SPTAN1: variants seen among roughly 807,000 people sequenced by gnomAD.
The protein encoded by SPTAN1 is spectrin alpha chain, non-erythrocytic 1.
SPTAN1 carries 61 observed loss-of-function variants against 331.3 expected under a neutral mutation model. The observed-to-expected ratio is 0.18, with a 90% CI of 0.15 to 0.23. The LOEUF (loss-of-function observed/expected upper bound fraction) is 0.23, where lower values mean the gene tolerates loss of function less well. SPTAN1 is among the 10% of genes least tolerant of loss of function. SPTAN1 has a pLI of 1.00. For synonymous variants in SPTAN1, 1,153 were observed against 1,173.9 expected (o/e 0.98, Z 0.36); for missense variants, 2,043 against 3,147.9 (o/e 0.65, Z 8.40).
chr9:128,578,330 C>T (rs1361079251), intron 9 of SPTAN1, 85 bp downstream of exon 9: 19 of 1,556,440 alleles, frequency 1.2e-5, no homozygotes, highest in Middle Eastern at 1.7e-4. Context: ...GGCCTATAGT[C>T]GGCGTTGGTA....
rs766229911 is a variant in SPTAN1, at chr9:128,632,919, G to C, written c.7272G>C (p.Glu2424Asp). 2 of 1,613,510 alleles carry C rather than the reference G, an allele frequency of 1.2e-6. No homozygotes were observed. The highest frequency in any genetic ancestry group is 3.3e-5 in the Admixed American group (2 of 60,030). The change falls in exon 56 of 57, where the codon GAG becomes GAC. Residue 2424 changes from glutamate to aspartate, a missense_variant. By Grantham distance (45) the Glu-to-Asp change is conservative. Transcript: ENST00000372739. ...GCGCCTTCCGGGCCCTCAGCTCAGA[G>C]GGAAAGCCTTACGTGACCAAGGAGG... ...IESAFRALSS[E>D]GKPYVTKEEL...
In SPTAN1 at chr9:128,624,040, G is replaced by A. The variant is rs906637868; in HGVS notation, c.5833-288G>A. Reference sequence around the variant, plus strand: ...GGAGGTTGCAGTGAGCCGAGATCACGCCACTGCATTCCAGCCTGGGCGACG... The same window carrying A: ...GGAGGTTGCAGTGAGCCGAGATCACACCACTGCATTCCAGCCTGGGCGACG... On this transcript the variant is annotated intron_variant, in intron 45 of 56. Coordinates refer to ENST00000372739, the MANE Select transcript of SPTAN1 (RefSeq NM_001130438.3). Among the ~76,000 whole-genome samples, 6 of 130,632 alleles carry A rather than the reference G, an allele frequency of 4.6e-5. No homozygotes were observed. In the East Asian group the frequency reaches 8.7e-4, roughly 19 times the overall value. 85.7% of individuals were successfully genotyped at this position (130,632 alleles called of 152,430 possible). A position where few individuals can be genotyped will look rare whatever the true frequency, so the allele number is the denominator to read the frequency against.
intron 3 of SPTAN1, among the ~76,000 whole-genome samples, chr9:128,570,628 G>A (rs1394142640): frequency 6.0e-5 from 9 of 151,170 alleles, no homozygotes; most frequent in East Asian, 1.9e-4. Flanking sequence ...TTGAGCCACC[G>A]TGCCCAGCCC....
In SPTAN1 at chr9:128,584,780, AT is replaced by A; in HGVS notation, c.2499del (p.Ile833MetfsTer29). The A allele has an allele frequency of 6.2e-7, 1 of 1,614,214 alleles. No individual in the cohort carries two copies. Among genetic ancestry groups the A allele is most frequent in the Non-Finnish European group, 8.5e-7 (1 of 1,180,040 alleles). ...GAAACATCAAGCCTTACAAGCAGAA[AT>A]TGCTGGACATGAACCACGCATCAAA... is the stretch of plus-strand genomic sequence containing the variant. Reference protein sequence around the residue: ...LKKHQALQAEIAGHEPRIKAV... With the variant: ...LKKHQALQAEXAGHEPRIKAV... On this transcript the variant is annotated frameshift_variant, in exon 18 of 57. Transcript: ENST00000372739. LOFTEE classifies it high-confidence loss of function.
intron 1 of SPTAN1, chr9:128,555,429 G>A (rs1423417535): frequency 9.3e-6 from 12 of 1,288,792 alleles, no homozygotes; most frequent in Non-Finnish European, 1.2e-5. Context: ...AAAACGGGTT[G>A]CCTTTTTGGT....
At chr9:128,578,746 T>A (rs1851596194) in intron 9 of SPTAN1, among the ~76,000 whole-genome samples, 1 of 151,160 alleles carries the variant, frequency 6.6e-6, no homozygotes, top group Admixed American at 6.6e-5. Context: ...GGAGAATCGC[T>A]TGAACCCGGG....
chr9:128,567,104 G>A, intron 2 of SPTAN1, 127 bp downstream of exon 2: 2 of 1,346,922 alleles, frequency 1.5e-6, no homozygotes, highest in Non-Finnish European at 2.1e-6. Flanking sequence ...TAATAAGGAA[G>A]GACAAACTCA....
chr9:128,555,245 T>C, intron 1 of SPTAN1: 1 of 804,636 alleles, frequency 1.2e-6, no homozygotes, highest in Non-Finnish European at 1.8e-6. Context: ...TGAAATTGGA[T>C]TTTTAATCTG....
intron 52 of SPTAN1, chr9:128,630,785 A>G (rs1589409438): frequency 4.9e-6 from 1 of 204,248 alleles, no homozygotes; most frequent in South Asian, 8.0e-5. Context: ...GCTCACTGCA[A>G]CCTCCACCTC....
intron 40 of SPTAN1, among the ~76,000 whole-genome samples, chr9:128,615,197 A>C (rs992754381): frequency 1.2e-4 from 19 of 152,180 alleles, no homozygotes; most frequent in African/African-American, 4.6e-4. Flanking sequence ...TGAGATACCA[A>C]GTCTGAATGA....
At chr9:128,586,201 C>T (rs763070314) in intron 19 of SPTAN1, among the ~76,000 whole-genome samples, 4 of 141,380 alleles carry the variant, frequency 2.8e-5, no homozygotes, top group East Asian at 2.2e-4. Flanking sequence ...TCACTGCAGC[C>T]TCAAACTCCT....
intron 1 of SPTAN1, among the ~76,000 whole-genome samples, chr9:128,565,468 C>T (rs1437140064): frequency 6.6e-6 from 1 of 151,916 alleles, no homozygotes; most frequent in Non-Finnish European, 1.5e-5. Flanking sequence ...CTAAAATCAG[C>T]TCATCTACAC....
In SPTAN1 at chr9:128,566,650, A is replaced by G. The variant is rs113364905; in HGVS notation, c.-3-88A>G. The G allele has an allele frequency of 1.1e-5, 18 of 1,581,682 alleles. No individual in the cohort carries two copies. The African/African-American group carries it at 2.3e-4, about 20-fold the overall frequency. Reference sequence around the variant, plus strand: ...CATTTGTCTCCTGGGTTTATCTGATAATTATTTCTTTCCTTCAGAGAGGCT... The same window carrying G: ...CATTTGTCTCCTGGGTTTATCTGATGATTATTTCTTTCCTTCAGAGAGGCT... On this transcript the variant is annotated intron_variant, in intron 1 of 56. Coordinates refer to ENST00000372739, the MANE Select transcript of SPTAN1 (RefSeq NM_001130438.3).
Position 128,609,119 on chromosome 9 carries a change from C to A in SPTAN1, c.4596-3C>A. 6.2e-7 allele frequency: 1 copy of A among 1,614,212 alleles called. No individual in the cohort carries two copies. Among genetic ancestry groups the A allele is most frequent in the Non-Finnish European group, 8.5e-7 (1 of 1,180,034 alleles). On this transcript the variant is annotated splice_polypyrimidine_tract_variant and splice_region_variant and intron_variant, in intron 35 of 56. Transcript: ENST00000372739. ...GTTGGATCTCATGGTTTCACTCTTT[C>A]AGGTGGCGACGTCTGAAAGCCCAGA...
chr9:128,632,593 T>C lies in SPTAN1; in HGVS notation c.7035T>C (p.Ser2345=), dbSNP rs2132099422. 1 of 1,614,098 alleles carries C rather than the reference T, an allele frequency of 6.2e-7. No homozygotes were observed. Among genetic ancestry groups the C allele is most frequent in the Admixed American group, 1.7e-5 (1 of 60,024 alleles). The change falls in exon 55 of 57, where the codon TCT becomes TCC. Residue 2345 remains serine (S), a synonymous_variant. Coordinates refer to ENST00000372739, the MANE Select transcript of SPTAN1 (RefSeq NM_001130438.3). ...GCAGACACTTTGACAAGGACAAGTC[T>C]GGCAGGCTGAACCATCAGGAGTTCA... ...MMFKHFDKDK[S]GRLNHQEFKS...
At position 128,627,978 on chromosome 9, in the gene SPTAN1, T is replaced by C. The variant is rs375771110; in HGVS notation, c.6707+36T>C. 3.1e-5 allele frequency: 50 copies of C among 1,613,894 alleles called. No individual in the cohort carries two copies. The highest frequency in any genetic ancestry group is 4.5e-5 in the East Asian group (2 of 44,884). ...TTTTCTTCCTTCTCTGGGCTTGTCA[T>C]GTGGGGGTCTCGTGCGCTTGCCCCT... On this transcript the variant is annotated intron_variant, in intron 51 of 56. Coordinates refer to ENST00000372739, the MANE Select transcript of SPTAN1 (RefSeq NM_001130438.3). This position sits in a 1 kb window ranked among gnomAD's most constrained non-coding sequence, Gnocchi z 4.9.
chr9:128,579,926 CCTT>C (rs1299158464), intron 10 of SPTAN1, among the ~76,000 whole-genome samples, 188 bp downstream of exon 10: 1 of 152,158 alleles, frequency 6.6e-6, no homozygotes, highest in Non-Finnish European at 1.5e-5. Flanking sequence ...AGACAGTCCT[CCTT>C]ATCTGGGGCA....
chr9:128,594,550 C>G (rs544477435), intron 24 of SPTAN1, among the ~76,000 whole-genome samples, 177 bp downstream of exon 24: 143 of 150,996 alleles, frequency 9.5e-4, no homozygotes, highest in Admixed American at 2.3e-3. Flanking sequence ...CCTGCCTCAG[C>G]ATCCTGAGTT....
intron 1 of SPTAN1, among the ~76,000 whole-genome samples, chr9:128,563,214 G>A (rs1481297924): frequency 1.3e-5 from 2 of 151,498 alleles, no homozygotes; most frequent in South Asian, 2.1e-4. Flanking sequence ...CCAGGAGTTC[G>A]AGACTAGCCT....
Sources: gnomAD v4.1 joint callset for allele counts (sites outside exome capture counted in the v4.1 genomes callset) on GRCh38, gnomAD v4.1.1 for gene constraint, Gnocchi (gnomAD v3.1) non-coding constraint, MANE v1.5 for transcripts, NCBI Gene and HGNC (gene_info 2026-07-23, HGNC 2026-07-21) for gene names.